Variants in SMLR1 observed in about 807,000 individuals in gnomAD.
SMLR1 encodes small leucine-rich protein 1.
Under a neutral mutation model 6.1 loss-of-function variants are expected in SMLR1, and 3 were observed. That is an observed-to-expected ratio of 0.49 (90% CI 0.22 to 1.28). The LOEUF (loss-of-function observed/expected upper bound fraction) is 1.28, where lower values mean the gene tolerates loss of function less well. SMLR1 is among the 50% of genes most tolerant of loss of function. The pLI is 0.19. For missense variants in SMLR1, 126 were observed against 124.8 expected, an observed-to-expected ratio of 1.01 and a Z score of -0.05; for synonymous variants, 55 against 53.6, an observed-to-expected ratio of 1.03 and a Z score of -0.11.
Position 130,834,913 on chromosome 6 carries a change from C to T in SMLR1, c.282C>T (p.Pro94=), listed in dbSNP as rs757067048. Residue 94 remains proline (P), a synonymous_variant, in exon 2 of 2, where the codon CCC becomes CCT. Coordinates refer to ENST00000541421, the MANE Select transcript of SMLR1 (RefSeq NM_001195597.2). ...AGAACTGTGATCGCCAACATAATCC[C>T]AAGGATGGCTCTTCCCTGTACCAGA... ...LSQNCDRQHN[P]KDGSSLYQRM... The T allele has an allele frequency of 1.0e-5, 16 of 1,535,170 alleles. No homozygotes were observed. Among genetic ancestry groups the T allele is most frequent in the Non-Finnish European group, 1.3e-5 (15 of 1,146,356 alleles).
chr6:130,830,496 ATACTAATGAC>A, intron 1 of SMLR1, among the ~76,000 whole-genome samples: 1 of 152,196 alleles, frequency 6.6e-6, no homozygotes, highest in East Asian at 1.9e-4. Context: ...GTTGGAAAGA[ATACTAATGAC>A]TAGAAACACT....
intron 1 of SMLR1, 38 bp downstream of exon 1, chr6:130,827,689 C>A (rs1009584423): frequency 6.9e-7 from 1 of 1,443,010 alleles, no homozygotes. Context: ...CTTGGGCATC[C>A]TTTCCCACAG....
At position 130,827,666 on chromosome 6, in the gene SMLR1, A is replaced by C; in HGVS notation, c.238+15A>C. The C allele has an allele frequency of 6.5e-7, 1 of 1,529,706 alleles. No homozygotes were observed. Among genetic ancestry groups the C allele is most frequent in the Non-Finnish European group, 8.8e-7 (1 of 1,141,182 alleles). The allele number at this position is 1,529,706 out of a possible 1,614,324, so 94.8% of individuals were successfully genotyped here. ...ACTGATTGAGGGTAAGTGTGAGGCCACACAAGGAAGAACTTGGGCATCCTT... is the reference window on the plus strand; with the variant it reads ...ACTGATTGAGGGTAAGTGTGAGGCCCCACAAGGAAGAACTTGGGCATCCTT... On this transcript the variant is annotated intron_variant, in intron 1 of 1. Coordinates refer to ENST00000541421, the MANE Select transcript of SMLR1 (RefSeq NM_001195597.2).
chr6:130,833,931 G>A (rs914932755), intron 1 of SMLR1, among the ~76,000 whole-genome samples: 1 of 152,086 alleles, frequency 6.6e-6, no homozygotes, highest in African/African-American at 2.4e-5. Flanking sequence ...GCTTTATGTG[G>A]GAGCCTAAGA....
intron 1 of SMLR1, among the ~76,000 whole-genome samples, chr6:130,832,424 G>C (rs1774490573): frequency 1.3e-5 from 2 of 152,110 alleles, no homozygotes; most frequent in Non-Finnish European, 2.9e-5. Context: ...AGGCTGGCTA[G>C]GCATCTTCCA....
At position 130,827,594 on chromosome 6, in the gene SMLR1, C is replaced by T; in HGVS notation, c.181C>T (p.Pro61Ser). ...GWFLFFGVFL[P>S]VTLLLLLLIA... ...GTTCCTGTTCTTTGGGGTCTTCCTCCCCGTGACTTTGCTGCTGCTCCTCCT... is the reference window on the plus strand; with the variant it reads ...GTTCCTGTTCTTTGGGGTCTTCCTCTCCGTGACTTTGCTGCTGCTCCTCCT... Residue 61 changes from proline (P) to serine (S), a missense_variant, in exon 1 of 2, where the codon CCC (proline) becomes TCC (serine). Pro to Ser is a moderately conservative substitution (Grantham distance 74). Coordinates refer to ENST00000541421, the MANE Select transcript of SMLR1 (RefSeq NM_001195597.2). 5 of 1,535,924 alleles carry T rather than the reference C, an allele frequency of 3.3e-6. No homozygotes were observed. The highest frequency in any genetic ancestry group is 4.4e-6 in the Non-Finnish European group (5 of 1,146,834).
At chr6:130,830,008 A>G (rs1774391114) in intron 1 of SMLR1, among the ~76,000 whole-genome samples, 2 of 152,196 alleles carry the variant, frequency 1.3e-5, no homozygotes, top group South Asian at 4.1e-4. Context: ...AGTCTATCAT[A>G]TACCACAGAC....
rs1774637093 is a variant in SMLR1, at chr6:130,835,805, C to T, written c.*850C>T. On this transcript the variant is annotated 3_prime_UTR_variant, in exon 2 of 2. Coordinates refer to ENST00000541421, the MANE Select transcript of SMLR1 (RefSeq NM_001195597.2). Reference sequence around the variant, plus strand: ...GACAACATAGGTAATTGAAAAGAAACTTAATTCTAGGGGTAGTTAAACGAG... The same window carrying T: ...GACAACATAGGTAATTGAAAAGAAATTTAATTCTAGGGGTAGTTAAACGAG... 6.6e-6 allele frequency: 1 copy of T among 152,118 alleles called. No individual in the cohort carries two copies. Among genetic ancestry groups the T allele is most frequent in the Non-Finnish European group, 1.5e-5 (1 of 68,020 alleles). 9.4% of individuals were successfully genotyped at this position (152,118 alleles called of 1,614,324 possible).
chr6:130,834,847 TTAAC>T lies in SMLR1; in HGVS notation c.239-19_239-16del, dbSNP rs1322795863. ...ATGGCACTCAGATGTCTCCAAATTATTAACTAATATTTTTCCTTTCAGTTAATGA... is the reference window on the plus strand; with the variant it reads ...ATGGCACTCAGATGTCTCCAAATTATTAATATTTTTCCTTTCAGTTAATGA... On this transcript the variant is annotated intron_variant, in intron 1 of 1. Transcript: ENST00000541421. The T allele has an allele frequency of 3.3e-6, 5 of 1,528,814 alleles. No homozygotes were observed. In the African/African-American group the frequency reaches 5.5e-5, roughly 17 times the overall value. 94.7% of individuals were successfully genotyped at this position (1,528,814 alleles called of 1,614,324 possible). A position where few individuals can be genotyped will look rare whatever the true frequency, so the allele number is the denominator to read the frequency against.
intron 1 of SMLR1, among the ~76,000 whole-genome samples, chr6:130,831,461 A>C (rs1403873286): frequency 6.6e-6 from 1 of 152,118 alleles, no homozygotes; most frequent in East Asian, 1.9e-4. Flanking sequence ...CTTTCTCCTA[A>C]GAAGAAAAGC....
chr6:130,832,411 T>C (rs1430897924), intron 1 of SMLR1, among the ~76,000 whole-genome samples: 2 of 152,134 alleles, frequency 1.3e-5, no homozygotes, highest in Admixed American at 1.3e-4. Flanking sequence ...ACTGATAATA[T>C]ACAGGCTGGC....
chr6:130,834,999 G>C lies in SMLR1; in HGVS notation c.*44G>C, dbSNP rs1160896068. The C allele has an allele frequency of 4.1e-6, 6 of 1,468,118 alleles. No individual in the cohort carries two copies. In the East Asian group the frequency reaches 1.5e-4, roughly 36 times the overall value. The allele number at this position is 1,468,118 out of a possible 1,614,324, so 90.9% of individuals were successfully genotyped here. A position where few individuals can be genotyped will look rare whatever the true frequency, so the allele number is the denominator to read the frequency against. ...AACTAAAGCACAATGAGTTTCTACT[G>C]GTCAGCAAGCAATGGCCAACAGTTC... On this transcript the variant is annotated 3_prime_UTR_variant, in exon 2 of 2. Transcript: ENST00000541421.
intron 1 of SMLR1, 32 bp downstream of exon 1, chr6:130,827,683 G>A: frequency 6.7e-7 from 1 of 1,493,198 alleles, no homozygotes. Flanking sequence ...GAAGAACTTG[G>A]GCATCCTTTC....
rs531713753 is a variant in SMLR1 at position 130,835,209 on chromosome 6, G to T, written c.*254G>T. On this transcript the variant is annotated 3_prime_UTR_variant, in exon 2 of 2. Coordinates refer to ENST00000541421, the MANE Select transcript of SMLR1 (RefSeq NM_001195597.2). ...CCTGGGTATATACACTGGACACATT[G>T]TAACTTTTTAACTTTTATTGTGACT... The T allele has an allele frequency of 2.6e-6, 1 of 385,032 alleles. No individual in the cohort carries two copies. The highest frequency in any genetic ancestry group is 4.3e-5 in the East Asian group (1 of 23,476). 23.9% of individuals were successfully genotyped at this position (385,032 alleles called of 1,614,324 possible).
intron 1 of SMLR1, among the ~76,000 whole-genome samples, chr6:130,828,170 T>C (rs897464473): frequency 6.6e-6 from 1 of 152,164 alleles, no homozygotes; most frequent in Admixed American, 6.5e-5. Context: ...GATAGATAAA[T>C]ACTTGACCTT....
chr6:130,834,843 A>C, intron 1 of SMLR1, 27 bp from the exon 2 acceptor site: 1 of 1,524,950 alleles, frequency 6.6e-7, no homozygotes, highest in Non-Finnish European at 8.8e-7. Context: ...ATGTCTCCAA[A>C]TTATTAACTA....
Position 130,835,084 on chromosome 6 carries a change from C to T in SMLR1, c.*129C>T. On this transcript the variant is annotated 3_prime_UTR_variant, in exon 2 of 2. Transcript: ENST00000541421. ...GCAAAATAGAAAGAATACTAAGATA[C>T]TCATTCTGAACCATACTGAAAAGTG... 4 of 770,444 alleles carry T rather than the reference C, an allele frequency of 5.2e-6. No individual in the cohort carries two copies. The highest frequency in any genetic ancestry group is 8.5e-6 in the Non-Finnish European group (4 of 472,274). 47.7% of individuals were successfully genotyped at this position (770,444 alleles called of 1,614,324 possible).
chr6:130,827,706 T>C (rs1562254568), intron 1 of SMLR1, 55 bp downstream of exon 1: 1 of 1,301,498 alleles, frequency 7.7e-7, no homozygotes. Flanking sequence ...ACAGCACATC[T>C]TGAAATATAC....
intron 1 of SMLR1, 100 bp downstream of exon 1, chr6:130,827,751 C>CATATATAT (rs113795427): frequency 4.2e-6 from 3 of 721,838 alleles, no homozygotes; most frequent in Admixed American, 5.8e-5. Flanking sequence ...CCAGGAGAAA[C>CATATATAT]ATATATATAT....
Sources: gnomAD v4.1 joint callset for allele counts (sites outside exome capture counted in the v4.1 genomes callset) on GRCh38, gnomAD v4.1.1 for gene constraint, MANE v1.5 for transcripts, NCBI Gene and HGNC (gene_info 2026-07-23, HGNC 2026-07-21) for gene names.